RNF180: variants seen among roughly 807,000 people sequenced by gnomAD.
RNF180 encodes E3 ubiquitin-protein ligase RNF180.
RNF180 carries 38 observed loss-of-function variants against 59.2 expected under a neutral mutation model. That is an observed-to-expected ratio of 0.64 (90% CI 0.50 to 0.84). RNF180 has a LOEUF of 0.84. Ranked by LOEUF, RNF180 falls within the 40% of genes least tolerant of loss-of-function variation. RNF180 has a pLI of 0.00. For synonymous variants in RNF180, 262 were observed against 240.3 expected, an observed-to-expected ratio of 1.09 and a Z score of -0.84; for missense variants, 705 against 700.9, an observed-to-expected ratio of 1.01 and a Z score of -0.07.
At chr5:64,368,644 G>T (rs1746539223) in intron 7 of RNF180, among the ~76,000 whole-genome samples, 1 of 152,002 alleles carries the variant, frequency 6.6e-6, no homozygotes. Context: ...TCAAAAATGG[G>T]CAAAGGATAT....
intron 2 of RNF180, among the ~76,000 whole-genome samples, chr5:64,201,443 G>A (rs1751741464): frequency 6.6e-6 from 1 of 152,130 alleles, no homozygotes; most frequent in Non-Finnish European, 1.5e-5. Flanking sequence ...TAAAAAATGA[G>A]TGTTTTTAAA....
At chr5:64,255,845 A>G (rs934117163) in intron 5 of RNF180, among the ~76,000 whole-genome samples, 7 of 152,178 alleles carry the variant, frequency 4.6e-5, no homozygotes, top group Admixed American at 2.0e-4. Flanking sequence ...ATTTCTCCAC[A>G]TCCTCTCCAG....
chr5:64,201,957 T>C (rs1751775866), intron 2 of RNF180, among the ~76,000 whole-genome samples: 2 of 152,218 alleles, frequency 1.3e-5, no homozygotes, highest in Non-Finnish European at 2.9e-5. Flanking sequence ...GTCAGGCTGG[T>C]CTCGAACCGA....
intron 5 of RNF180, among the ~76,000 whole-genome samples, chr5:64,304,886 A>G (rs1373237222): frequency 2.0e-5 from 3 of 151,644 alleles, no homozygotes; most frequent in Non-Finnish European, 4.4e-5. Flanking sequence ...CTAACAATGC[A>G]GAAAACTTCA....
intron 7 of RNF180, among the ~76,000 whole-genome samples, chr5:64,336,990 C>CT (rs746909826): frequency 3.1e-4 from 42 of 137,176 alleles, no homozygotes; most frequent in African/African-American, 3.1e-4. Context: ...CTTTGATTTT[C>CT]TTTTTTTGTT....
In RNF180 at chr5:64,370,133, C is replaced by G. The variant is rs946566401; in HGVS notation, c.*319C>G. On this transcript the variant is annotated 3_prime_UTR_variant, in exon 8 of 8. Coordinates refer to ENST00000389100, the MANE Select transcript of RNF180 (RefSeq NM_001113561.2). Reference sequence around the variant, plus strand: ...TGATTGTAAAAAACTGAAGTTTTCTCTCCACTTAAAAATAGTAAAAATACA... The same window carrying G: ...TGATTGTAAAAAACTGAAGTTTTCTGTCCACTTAAAAATAGTAAAAATACA... The G allele has an allele frequency of 3.0e-5, 5 of 167,648 alleles. No individual in the cohort carries two copies. The highest frequency in any genetic ancestry group is 1.2e-4 in the African/African-American group (5 of 42,112). 10.4% of individuals were successfully genotyped at this position (167,648 alleles called of 1,614,324 possible). A position where few individuals can be genotyped will look rare whatever the true frequency, so the allele number is the denominator to read the frequency against.
Position 64,277,194 on chromosome 5 carries a change from GA to G in RNF180, c.1228-47979del, listed in dbSNP as rs35030133. Among the ~76,000 whole-genome samples, 860 of 134,518 alleles carry G rather than the reference GA, an allele frequency of 6.4e-3. 6 individuals are homozygous for G. Among genetic ancestry groups the G allele is most frequent in the African/African-American group, 0.02 (723 of 36,572 alleles). The allele number at this position is 134,518 out of a possible 152,430, so 88.2% of individuals were successfully genotyped here. A position where few individuals can be genotyped will look rare whatever the true frequency, so the allele number is the denominator to read the frequency against. ...GGGTGGTCTTAAAAAAAAAAAAGGG[GA>G]AAAAAAAAAAAAGAGACCGCAGAGA... On this transcript the variant is annotated intron_variant, in intron 5 of 7. Coordinates refer to ENST00000389100, the MANE Select transcript of RNF180 (RefSeq NM_001113561.2).
intron 7 of RNF180, among the ~76,000 whole-genome samples, chr5:64,337,734 C>A (rs1274573834): frequency 6.8e-6 from 1 of 147,178 alleles, no homozygotes; most frequent in Non-Finnish European, 1.5e-5. Context: ...TCAATTCCCA[C>A]CTATGAGTGA....
At chr5:64,350,518 C>A (rs1046374933) in intron 7 of RNF180, among the ~76,000 whole-genome samples, 5 of 152,250 alleles carry the variant, frequency 3.3e-5, no homozygotes, top group Admixed American at 3.3e-4. Flanking sequence ...CCTAGATTTT[C>A]TTCTAGGGTT....
chr5:64,316,864 A>G (rs1561256442), intron 5 of RNF180, among the ~76,000 whole-genome samples: 2 of 152,252 alleles, frequency 1.3e-5, no homozygotes, highest in African/African-American at 2.4e-5. Context: ...ATGTCCCTCA[A>G]TGTCCAAGGG....
intron 5 of RNF180, among the ~76,000 whole-genome samples, chr5:64,243,357 CA>C (rs1292405745): frequency 1.3e-5 from 2 of 152,222 alleles, no homozygotes; most frequent in Admixed American, 6.5e-5. Flanking sequence ...GCTGCCAGCA[CA>C]GCAGTCTGAA....
At chr5:64,326,108 G>A (rs924507059) in intron 6 of RNF180, among the ~76,000 whole-genome samples, 1 of 152,036 alleles carries the variant, frequency 6.6e-6, no homozygotes, top group Non-Finnish European at 1.5e-5. Flanking sequence ...AGCCAAATGA[G>A]GATCTGAGTA....
At chr5:64,205,997 T>C (rs1359938652) in intron 2 of RNF180, among the ~76,000 whole-genome samples, 1 of 152,174 alleles carries the variant, frequency 6.6e-6, no homozygotes, top group Non-Finnish European at 1.5e-5. Context: ...TGTTGATGAT[T>C]CGTGTTAAAT....
Position 64,325,240 on chromosome 5 carries a change from G to GA in RNF180, c.1283dup (p.Asp428GlufsTer2). The stretch of plus-strand genomic sequence containing the variant: ...AGACAATGAATATGCAGAAGAAAAG[G>GA]ATAGCTACATCTGTGCAGTGTGTCT... On this transcript the variant is annotated frameshift_variant, in exon 6 of 8. Transcript: ENST00000389100. LOFTEE classifies it high-confidence loss of function. 6.4e-7 allele frequency: 1 copy of GA among 1,551,530 alleles called. No individual in the cohort carries two copies.
At chr5:64,261,092 A>G (rs1744313449) in intron 5 of RNF180, among the ~76,000 whole-genome samples, 1 of 152,186 alleles carries the variant, frequency 6.6e-6, no homozygotes, top group African/African-American at 2.4e-5. Flanking sequence ...AAGCACATGC[A>G]GAAATAGTAG....
intron 5 of RNF180, among the ~76,000 whole-genome samples, chr5:64,301,445 A>G (rs1386671780): frequency 6.6e-6 from 1 of 151,756 alleles, no homozygotes; most frequent in Non-Finnish European, 1.5e-5. Context: ...ATAACTAAAA[A>G]GATGATTTTA....
chr5:64,322,224 C>T (rs533307775), intron 5 of RNF180, among the ~76,000 whole-genome samples: 2 of 152,016 alleles, frequency 1.3e-5, no homozygotes, highest in East Asian at 3.9e-4. Flanking sequence ...AACAGGCAAG[C>T]TACAAAATGG....
At chr5:64,335,634 T>C (rs1363658662) in intron 7 of RNF180, among the ~76,000 whole-genome samples, 1 of 152,168 alleles carries the variant, frequency 6.6e-6, no homozygotes, top group Non-Finnish European at 1.5e-5. Context: ...TCCATTGGTA[T>C]AATTTTTTAT....
At chr5:64,220,348 T>A (rs1474003234) in intron 5 of RNF180, among the ~76,000 whole-genome samples, 2 of 151,958 alleles carry the variant, frequency 1.3e-5, no homozygotes, top group African/African-American at 4.8e-5. Context: ...GATTTGAGAT[T>A]TTTTCTTACC....
Sources: gnomAD v4.1 joint callset for allele counts (sites outside exome capture counted in the v4.1 genomes callset) on GRCh38, gnomAD v4.1.1 for gene constraint, MANE v1.5 for transcripts, NCBI Gene and HGNC (gene_info 2026-07-23, HGNC 2026-07-21) for gene names.